Variants in BAZ2B observed in about 807,000 individuals in gnomAD.
BAZ2B encodes the protein bromodomain adjacent to zinc finger domain protein 2B.
In BAZ2B, 91 loss-of-function variants were observed where a neutral mutation model predicts 246.0. The ratio of observed to expected loss-of-function variants is 0.37; its 90% CI spans 0.31 to 0.44. The LOEUF (loss-of-function observed/expected upper bound fraction) is 0.44, where lower values mean the gene tolerates loss of function less well. Ranked by LOEUF, BAZ2B falls within the 20% of genes least tolerant of loss-of-function variation. The pLI is 1.00. For missense variants in BAZ2B, 2,332 were observed against 2,533.7 expected (o/e 0.92, Z 1.71); for synonymous variants, 855 against 860.0 (o/e 0.99, Z 0.10).
the BAZ2B span, among the ~76,000 whole-genome samples, chr2:159,660,321 T>C: frequency 1.3e-5 from 2 of 152,230 alleles, no homozygotes; most frequent in African/African-American, 2.4e-5. Flanking sequence ...ATAAATAATA[T>C]TCCACTGTAT....
At chr2:159,380,015 C>CAG (rs2061820798) in intron 25 of BAZ2B, among the ~76,000 whole-genome samples, 1 of 152,074 alleles carries the variant, frequency 6.6e-6, no homozygotes, top group South Asian at 2.1e-4. Flanking sequence ...TACATACACA[C>CAG]ACACACACAC....
At chr2:159,554,121 T>C (rs891789568) in intron 2 of BAZ2B, among the ~76,000 whole-genome samples, 1 of 152,206 alleles carries the variant, frequency 6.6e-6, no homozygotes, top group Admixed American at 6.5e-5. Flanking sequence ...TCTTACTCTT[T>C]AACTGATATT....
At chr2:159,381,955 CTT>C (rs957213267) in intron 25 of BAZ2B, among the ~76,000 whole-genome samples, 2 of 152,130 alleles carry the variant, frequency 1.3e-5, no homozygotes, top group African/African-American at 2.4e-5. Context: ...TCCAGAAACT[CTT>C]TGTGGGAGTT....
At chr2:159,372,912 A>G (rs2061008968) in intron 27 of BAZ2B, 133 bp downstream of exon 27, 2 of 1,069,446 alleles carry the variant, frequency 1.9e-6, no homozygotes, top group Non-Finnish European at 2.6e-6. Flanking sequence ...TGAGTGCAAA[A>G]GGAATGAGAA....
intron 2 of BAZ2B, among the ~76,000 whole-genome samples, chr2:159,524,656 CTATT>C (rs1425091414): frequency 1.3e-5 from 2 of 152,084 alleles, no homozygotes; most frequent in Admixed American, 1.3e-4. Flanking sequence ...ACAAAGTTCA[CTATT>C]TATCAAAGCA....
At chr2:159,472,107 ATTTG>A (rs1258079647) in intron 3 of BAZ2B, among the ~76,000 whole-genome samples, 1 of 152,158 alleles carries the variant, frequency 6.6e-6, no homozygotes, top group Non-Finnish European at 1.5e-5. Flanking sequence ...ATGTTTTTCC[ATTTG>A]TTTGTGTCCT....
the BAZ2B span, among the ~76,000 whole-genome samples, chr2:159,677,180 T>TA: frequency 2.0e-5 from 3 of 151,318 alleles, no homozygotes; most frequent in South Asian, 6.2e-4. Context: ...AGTTATATGA[T>TA]AAAAATTCTC....
intron 1 of BAZ2B, among the ~76,000 whole-genome samples, chr2:159,572,892 C>T (rs1294180319): frequency 6.6e-6 from 1 of 152,122 alleles, no homozygotes; most frequent in African/African-American, 2.4e-5. Context: ...ATTATTTATC[C>T]TAAGCAACAT....
At chr2:159,590,834 C>T (rs1226561638) in intron 1 of BAZ2B, among the ~76,000 whole-genome samples, 3 of 152,054 alleles carry the variant, frequency 2.0e-5, no homozygotes, top group Non-Finnish European at 4.4e-5. Flanking sequence ...GATTTATTTA[C>T]ATTTCAAGAG....
chr2:159,367,771 C>T (rs1406358625), intron 27 of BAZ2B, among the ~76,000 whole-genome samples: 1 of 151,984 alleles, frequency 6.6e-6, no homozygotes, highest in Non-Finnish European at 1.5e-5. Flanking sequence ...GCCTGTAGTC[C>T]CAGCTACTTG....
intron 3 of BAZ2B, chr2:159,461,699 C>G (rs2076421364): frequency 6.6e-6 from 1 of 152,624 alleles, no homozygotes; most frequent in Non-Finnish European, 1.5e-5. Context: ...ATGCAGATGT[C>G]TATAACTACA....
the BAZ2B span, among the ~76,000 whole-genome samples, chr2:159,640,507 T>TCTAA: frequency 6.6e-6 from 1 of 152,210 alleles, no homozygotes; most frequent in South Asian, 2.1e-4. Flanking sequence ...AAATATATTC[T>TCTAA]CTAACCACAT....
At chr2:159,326,544 G>T (rs918330878) in intron 34 of BAZ2B, among the ~76,000 whole-genome samples, 3 of 152,090 alleles carry the variant, frequency 2.0e-5, no homozygotes, top group Non-Finnish European at 4.4e-5. Flanking sequence ...CTGTTTTTGA[G>T]AAAAACAACA....
At chr2:159,460,869 G>A (rs2076323399) in intron 3 of BAZ2B, 1 of 152,078 alleles carries the variant, frequency 6.6e-6, no homozygotes, top group African/African-American at 2.4e-5. Context: ...TTCTCTCCAA[G>A]TAATTCTCAT....
In BAZ2B at chr2:159,535,930, T is replaced by C. The variant is rs2085924544; in HGVS notation, c.-3+19893A>G. Among the ~76,000 whole-genome samples the C allele has an allele frequency of 1.3e-5, 2 of 152,242 alleles. 1 individual carries two copies. Among genetic ancestry groups the C allele is most frequent in the South Asian group, 4.1e-4 (2 of 4,832 alleles). Reference sequence around the variant, plus strand: ...GGTTTGTGATTTATTGCTGCTGTAGTGATTTGGTAATTGGTCCCCAAGTTC... The same window carrying C: ...GGTTTGTGATTTATTGCTGCTGTAGCGATTTGGTAATTGGTCCCCAAGTTC... On this transcript the variant is annotated intron_variant, in intron 2 of 36. Transcript: ENST00000392783.
chr2:159,320,565 C>A, intron 36 of BAZ2B, 147 bp from the exon 37 acceptor site: 5 of 638,460 alleles, frequency 7.8e-6, no homozygotes, highest in Non-Finnish European at 1.3e-5. Flanking sequence ...TATCCTCTTA[C>A]AAATGGAACA....
upstream of BAZ2B, among the ~76,000 whole-genome samples, chr2:159,620,117 ATAGG>A (rs1431229383): frequency 1.3e-5 from 2 of 152,220 alleles, no homozygotes; most frequent in African/African-American, 4.8e-5. Flanking sequence ...AACTTCTTAA[ATAGG>A]TAGATATAGA....
At chr2:159,692,257 C>T in the BAZ2B span, among the ~76,000 whole-genome samples, 4 of 152,004 alleles carry the variant, frequency 2.6e-5, no homozygotes, top group Admixed American at 6.6e-5. Flanking sequence ...CAGGTTCAAG[C>T]GATTCTCCTG....
intron 1 of BAZ2B, among the ~76,000 whole-genome samples, chr2:159,601,271 T>C (rs144503182): frequency 8.9e-4 from 136 of 152,204 alleles, no homozygotes; most frequent in African/African-American, 3.2e-3. Context: ...TAAACAAGCA[T>C]TACCAGTTTC....
Sources: gnomAD v4.1 joint callset for allele counts (sites outside exome capture counted in the v4.1 genomes callset) on GRCh38, gnomAD v4.1.1 for gene constraint, MANE v1.5 for transcripts, NCBI Gene and HGNC (gene_info 2026-07-23, HGNC 2026-07-21) for gene names.